The following ATP9A variants were observed in gnomAD, a reference collection of about 807,000 sequenced individuals.
The protein encoded by ATP9A is ATPase phospholipid transporting 9A.
ATP9A carries 52 observed loss-of-function variants against 144.1 expected under a neutral mutation model. The observed-to-expected ratio is 0.36, with a 90% confidence interval of 0.29 to 0.45. The LOEUF is 0.45. ATP9A is among the 20% of genes least tolerant of loss of function. ATP9A has a pLI of 1.00. For missense variants in ATP9A, 947 were observed against 1,392.7 expected, an observed-to-expected ratio of 0.68 and a Z score of 5.09; for synonymous variants, 582 against 557.4, an observed-to-expected ratio of 1.04 and a Z score of -0.62.
chr20:51,674,105 GAGA>G lies in ATP9A; in HGVS notation c.1037+45_1037+47del, dbSNP rs749242312. On this transcript the variant is annotated intron_variant, in intron 11 of 27. Transcript: ENST00000338821. ...GAACCATCATCTTTGAATGAGTAAAGAGAAGAAGATGTCACGGCAGCCAAACTC... is the reference window on the plus strand; with the variant it reads ...GAACCATCATCTTTGAATGAGTAAAGAGAAGATGTCACGGCAGCCAAACTC... 5.7e-6 allele frequency: 9 copies of G among 1,572,892 alleles called. No individual in the cohort carries two copies. In the African/African-American group the frequency reaches 1.2e-4, roughly 21 times the overall value.
chr20:51,612,568 G>A (rs2077188752), intron 23 of ATP9A, among the ~76,000 whole-genome samples: 1 of 152,092 alleles, frequency 6.6e-6, no homozygotes, highest in South Asian at 2.1e-4. Flanking sequence ...GGGATTATAG[G>A]TGCATGCCAC....
At chr20:51,759,884 A>G (rs2077871760) in intron 1 of ATP9A, among the ~76,000 whole-genome samples, 1 of 152,220 alleles carries the variant, frequency 6.6e-6, no homozygotes, top group Admixed American at 6.5e-5. Context: ...CCAAATCAAC[A>G]GCTGCAGCCC....
chr20:51,739,477 G>A (rs966230369), intron 1 of ATP9A, among the ~76,000 whole-genome samples: 4 of 150,040 alleles, frequency 2.7e-5, no homozygotes, highest in African/African-American at 9.8e-5. Context: ...TCAGCCTCCC[G>A]AGTAGCTGGG....
chr20:51,642,973 C>G (rs2077327314), intron 14 of ATP9A, among the ~76,000 whole-genome samples: 1 of 152,048 alleles, frequency 6.6e-6, no homozygotes. Flanking sequence ...AGCCCCCAGC[C>G]CCCACAGGCC....
chr20:51,629,906 C>T (rs572189499), intron 15 of ATP9A, among the ~76,000 whole-genome samples: 1 of 152,324 alleles, frequency 6.6e-6, no homozygotes, highest in East Asian at 1.9e-4. Context: ...GGAAAGGACC[C>T]CTCAGTGGTA....
chr20:51,612,255 TC>T (rs1169581798), intron 23 of ATP9A, among the ~76,000 whole-genome samples: 3 of 152,196 alleles, frequency 2.0e-5, no homozygotes, highest in African/African-American at 7.2e-5. Context: ...AGACGTGAGT[TC>T]CAGGATCTAC....
rs56043552 is a variant in ATP9A at position 51,638,071 on chromosome 20, TTATATATATATATA to T, written c.1668+1258_1668+1271del. On this transcript the variant is annotated intron_variant, in intron 15 of 27. Coordinates refer to ENST00000338821, the MANE Select transcript of ATP9A (RefSeq NM_006045.3). Reference sequence around the variant, plus strand: ...CATGGCTAAGTAGCATTTCATCATTTTATATATATATATATATATATATATATATATATATATAT... The same window carrying T: ...CATGGCTAAGTAGCATTTCATCATTTTATATATATATATATATATATATAT... 2.1e-3 allele frequency among the ~76,000 whole-genome samples: 73 copies of T among 34,182 alleles called. 3 individuals are homozygous for T. The highest frequency in any genetic ancestry group is 4.2e-3 in the East Asian group (2 of 476). The allele number at this position is 34,182 out of a possible 152,430, so 22.4% of individuals were successfully genotyped here. A position where few individuals can be genotyped will look rare whatever the true frequency, so the allele number is the denominator to read the frequency against.
At chr20:51,698,749 A>G (rs1433139003) in intron 4 of ATP9A, among the ~76,000 whole-genome samples, 1 of 152,214 alleles carries the variant, frequency 6.6e-6, no homozygotes, top group Non-Finnish European at 1.5e-5. Flanking sequence ...GCACCCTGAG[A>G]TGTGAGAAAG....
At chr20:51,735,792 T>G (rs1296708388) in intron 1 of ATP9A, among the ~76,000 whole-genome samples, 4 of 152,228 alleles carry the variant, frequency 2.6e-5, no homozygotes. Context: ...ACTGAACACT[T>G]AGTAACAACA....
intron 7 of ATP9A, among the ~76,000 whole-genome samples, chr20:51,693,362 A>G (rs1197130009): frequency 6.6e-6 from 1 of 152,182 alleles, no homozygotes; most frequent in Admixed American, 6.5e-5. Context: ...CAGGGACAGA[A>G]TGACAGACCC....
chr20:51,653,630 T>C (rs1439503375), intron 14 of ATP9A, among the ~76,000 whole-genome samples: 3 of 152,016 alleles, frequency 2.0e-5, no homozygotes, highest in East Asian at 3.9e-4. Context: ...CTACTAAAAA[T>C]ACAAAAATTT....
At chr20:51,646,516 C>T (rs551288481) in intron 14 of ATP9A, among the ~76,000 whole-genome samples, 2 of 152,292 alleles carry the variant, frequency 1.3e-5, no homozygotes, top group East Asian at 1.9e-4. Flanking sequence ...TACGAAAATA[C>T]ATTCAAATGC....
intron 3 of ATP9A, among the ~76,000 whole-genome samples, chr20:51,716,757 T>C (rs2077663601): frequency 2.0e-5 from 3 of 152,254 alleles, no homozygotes; most frequent in Admixed American, 6.5e-5. Flanking sequence ...TACAGCCACA[T>C]GAAGCATTTT....
rs151125334 is a variant in ATP9A at position 51,635,331 on chromosome 20, T to C, written c.1668+4012A>G. On this transcript the variant is annotated intron_variant, in intron 15 of 27. Coordinates refer to ENST00000338821, the MANE Select transcript of ATP9A (RefSeq NM_006045.3). ...CGTCTGTATGTGGGTCCTACCACCA[T>C]AGAATCTTAGACCCCTTGAGCCCAG... 1.8e-3 allele frequency among the ~76,000 whole-genome samples: 280 copies of C among 152,212 alleles called. 3 individuals carry two copies. Among genetic ancestry groups the C allele is most frequent in the Admixed American group, 4.1e-3 (62 of 15,284 alleles).
chr20:51,648,758 G>C (rs907333735), intron 14 of ATP9A, among the ~76,000 whole-genome samples: 3 of 152,164 alleles, frequency 2.0e-5, no homozygotes, highest in African/African-American at 7.2e-5. Context: ...CTTGAGGCCA[G>C]GAGGTCAAGG....
At chr20:51,729,339 A>G (rs894286510) in intron 2 of ATP9A, among the ~76,000 whole-genome samples, 1 of 60,752 alleles carries the variant, frequency 1.6e-5, no homozygotes, top group Non-Finnish European at 3.5e-5. Flanking sequence ...CCTCCACCCC[A>G]CCCCACCTCC....
chr20:51,637,587 G>C (rs1274706029), intron 15 of ATP9A, among the ~76,000 whole-genome samples: 1 of 152,128 alleles, frequency 6.6e-6, no homozygotes, highest in Non-Finnish European at 1.5e-5. Context: ...TAAGGCTGAA[G>C]GAGAAGTTCA....
intron 1 of ATP9A, among the ~76,000 whole-genome samples, chr20:51,752,606 T>C (rs139972257): frequency 7.9e-5 from 12 of 152,322 alleles, no homozygotes; most frequent in Non-Finnish European, 1.0e-4. Flanking sequence ...CCGGCAATTC[T>C]CTGAAATATC....
In ATP9A at chr20:51,598,842, C is replaced by T. The variant is rs966744092; in HGVS notation, c.*2369G>A. The T allele has an allele frequency of 2.0e-5, 3 of 152,320 alleles. No individual in the cohort carries two copies. The highest frequency in any genetic ancestry group is 4.8e-5 in the African/African-American group (2 of 41,464). 9.4% of individuals were successfully genotyped at this position (152,320 alleles called of 1,614,324 possible). ...GCCCACTGATGGGATGGGCCAACGA[C>T]GTGGCAGTTTGCACTTGAGTGTCGG... On this transcript the variant is annotated 3_prime_UTR_variant, in exon 28 of 28. Coordinates refer to ENST00000338821, the MANE Select transcript of ATP9A (RefSeq NM_006045.3).
Sources: allele counts gnomAD v4.1 joint callset (sites outside exome capture counted in the v4.1 genomes callset), GRCh38; gene constraint gnomAD v4.1.1; transcripts MANE v1.5; gene names NCBI Gene and HGNC (gene_info 2026-07-23, HGNC 2026-07-21).